Variants in PBX1 observed in about 807,000 individuals in gnomAD.
PBX1 encodes PBX homeobox 1.
Under a neutral mutation model 53.4 loss-of-function variants are expected in PBX1, and 6 were observed. The observed-to-expected ratio is 0.11, with a 90% CI of 0.06 to 0.22. The LOEUF (loss-of-function observed/expected upper bound fraction) is 0.22, where lower values mean the gene tolerates loss of function less well. Among genes scored for constraint, PBX1 ranks in the 10% least tolerant of loss-of-function variants. The probability of loss-of-function intolerance (pLI) is 1.00; values close to 1 mark genes in which losing one functional copy is unlikely to be tolerated. For synonymous variants in PBX1, 204 were observed against 212.3 expected (o/e 0.96, Z 0.34); for missense variants, 251 against 551.4 (o/e 0.46, Z 5.46).
chr1:164,867,143 G>T (rs1399591989), intron 2 of PBX1, among the ~76,000 whole-genome samples: 2 of 152,198 alleles, frequency 1.3e-5, no homozygotes, highest in African/African-American at 4.8e-5. Flanking sequence ...TCTTCGATCT[G>T]CTGCTTAGGA....
rs150240181 is a variant in PBX1, at chr1:164,655,262, C to T, written c.265+91951C>T. Among the ~76,000 whole-genome samples, 1,357 of 152,016 alleles carry T rather than the reference C, an allele frequency of 8.9e-3. 19 individuals carry two copies. Among genetic ancestry groups the T allele is most frequent in the African/African-American group, 0.032 (1,308 of 41,442 alleles). On this transcript the variant is annotated intron_variant, in intron 2 of 8. Coordinates refer to ENST00000420696, the MANE Select transcript of PBX1 (RefSeq NM_002585.4). ...CCAAGTAGCTGGGATTACAGGCATG[C>T]GCCACCACGCCTGTCTAATGTTGTA... is the stretch of plus-strand genomic sequence containing the variant.
intron 2 of PBX1, among the ~76,000 whole-genome samples, chr1:164,615,473 A>G (rs986106425): frequency 2.6e-5 from 4 of 151,934 alleles, no homozygotes; most frequent in African/African-American, 9.7e-5. Flanking sequence ...CTATTTGTTC[A>G]GGTGTAATAT....
chr1:164,881,947 G>A (rs1003476826), intron 2 of PBX1, among the ~76,000 whole-genome samples: 7 of 152,084 alleles, frequency 4.6e-5, no homozygotes, highest in East Asian at 1.9e-4. Flanking sequence ...GGTCCCACCC[G>A]CTATGCCCCT....
chr1:164,773,988 C>A (rs1043579216), intron 2 of PBX1, among the ~76,000 whole-genome samples: 1 of 152,098 alleles, frequency 6.6e-6, no homozygotes, highest in Admixed American at 6.5e-5. Context: ...ACTTTGAATT[C>A]TTTGATCTTT....
chr1:164,758,783 A>T (rs10918066), intron 2 of PBX1, among the ~76,000 whole-genome samples: 50,300 of 151,774 alleles, frequency 0.33, 8,685 homozygotes, highest in Non-Finnish European at 0.39. Flanking sequence ...TTTCCTCTCA[A>T]CTTAGTCAAT....
chr1:164,669,793 G>T (rs778720283), intron 2 of PBX1, among the ~76,000 whole-genome samples: 141 of 152,182 alleles, frequency 9.3e-4, no homozygotes, highest in Non-Finnish European at 1.8e-3. Flanking sequence ...GTTGGGCATT[G>T]TCACAGACCG....
chr1:164,865,594 T>C (rs1672198704), intron 2 of PBX1, among the ~76,000 whole-genome samples: 1 of 152,184 alleles, frequency 6.6e-6, no homozygotes. Flanking sequence ...GTGCTATTAT[T>C]ATATTCATTA....
intron 2 of PBX1, among the ~76,000 whole-genome samples, chr1:164,650,821 A>G (rs950150203): frequency 3.3e-5 from 5 of 151,998 alleles, no homozygotes; most frequent in African/African-American, 7.2e-5. Flanking sequence ...CCTCCAAGAA[A>G]AAAAAAAGCG....
intron 2 of PBX1, among the ~76,000 whole-genome samples, chr1:164,607,793 G>A (rs1027137980): frequency 6.6e-6 from 1 of 152,190 alleles, no homozygotes; most frequent in Non-Finnish European, 1.5e-5. Context: ...AGAGAGGCAA[G>A]AGAAAAATCT....
In PBX1 at chr1:164,590,562, T is replaced by C. The variant is rs1571285370; in HGVS notation, c.265+27251T>C. Reference sequence around the variant, plus strand: ...AACAGTGTGAAATCTTACTTGGCATTGTGACCAGGAGATCTATTGCCTTTT... The same window carrying C: ...AACAGTGTGAAATCTTACTTGGCATCGTGACCAGGAGATCTATTGCCTTTT... On this transcript the variant is annotated intron_variant, in intron 2 of 8. Transcript: ENST00000420696. The C allele has an allele frequency of 6.8e-6, 3 of 439,694 alleles. No homozygotes were observed. The East Asian group carries it at 2.1e-4, about 31-fold the overall frequency. 27.2% of individuals were successfully genotyped at this position (439,694 alleles called of 1,614,324 possible).
chr1:164,702,740 A>G (rs1024087669), intron 2 of PBX1, among the ~76,000 whole-genome samples: 1 of 152,132 alleles, frequency 6.6e-6, no homozygotes, highest in African/African-American at 2.4e-5. Context: ...TTCTTTGTCT[A>G]AAAGGGAAAT....
chr1:164,615,788 T>C (rs751518867), intron 2 of PBX1, among the ~76,000 whole-genome samples: 2 of 152,070 alleles, frequency 1.3e-5, no homozygotes, highest in African/African-American at 4.8e-5. Context: ...CAGTTACAAA[T>C]GAACTGTCAC....
chr1:164,748,863 A>T (rs1438729826), intron 2 of PBX1, among the ~76,000 whole-genome samples: 1 of 152,152 alleles, frequency 6.6e-6, no homozygotes, highest in Non-Finnish European at 1.5e-5. Context: ...GGGCAGGAGC[A>T]GTGGTGTGTG....
intron 2 of PBX1, among the ~76,000 whole-genome samples, chr1:164,616,155 A>G (rs1657263039): frequency 6.6e-6 from 1 of 152,040 alleles, no homozygotes; most frequent in African/African-American, 2.4e-5. Flanking sequence ...CTCCCTGTAA[A>G]CTTTCAAATG....
rs529304518 is a variant in PBX1 at position 164,711,513 on chromosome 1, T to C, written c.266-80981T>C. 4.6e-5 allele frequency among the ~76,000 whole-genome samples: 7 copies of C among 152,364 alleles called. No individual in the cohort carries two copies. In the South Asian group the frequency reaches 1.4e-3, roughly 32 times the overall value. ...CTCCTGACCTCGTGATCCACATGCC[T>C]TGGCCTCCCAAAGTGCTGGGATTAC... On this transcript the variant is annotated intron_variant, in intron 2 of 8. Transcript: ENST00000420696.
intron 2 of PBX1, among the ~76,000 whole-genome samples, chr1:164,660,579 A>G (rs897794830): frequency 3.3e-5 from 5 of 152,200 alleles, no homozygotes; most frequent in Non-Finnish European, 7.4e-5. Context: ...TTGTAGTAAC[A>G]TCAGCAGAGG....
chr1:164,849,213 A>G lies in PBX1; in HGVS notation c.*2537A>G. On this transcript the variant is annotated 3_prime_UTR_variant, in exon 9 of 9. Coordinates refer to ENST00000420696, the MANE Select transcript of PBX1 (RefSeq NM_002585.4). ...CCTGAATAATTGCCATGTTAAGTTA[A>G]TGCAAAAGATCAGAACAGGGCTACA... 6.9e-7 allele frequency: 1 copy of G among 1,453,144 alleles called. No individual in the cohort carries two copies. Among genetic ancestry groups the G allele is most frequent in the Non-Finnish European group, 9.1e-7 (1 of 1,101,038 alleles). The allele number at this position is 1,453,144 out of a possible 1,614,324, so 90.0% of individuals were successfully genotyped here. A position where few individuals can be genotyped will look rare whatever the true frequency, so the allele number is the denominator to read the frequency against.
chr1:164,628,378 G>A (rs1780340), intron 2 of PBX1, among the ~76,000 whole-genome samples: 149,139 of 152,270 alleles, frequency 0.98, 73,108 homozygotes, highest in Middle Eastern at 1. Context: ...CTCCGAGTCC[G>A]AACAGTCACC....
intron 2 of PBX1, among the ~76,000 whole-genome samples, chr1:164,705,255 T>G (rs1663363170): frequency 6.6e-6 from 1 of 152,222 alleles, no homozygotes; most frequent in African/African-American, 2.4e-5. Flanking sequence ...TGAGAACCAT[T>G]CATCTATACA....
Sources: allele counts gnomAD v4.1 joint callset (sites outside exome capture counted in the v4.1 genomes callset), GRCh38; gene constraint gnomAD v4.1.1; transcripts MANE v1.5; gene names NCBI Gene and HGNC (gene_info 2026-07-23, HGNC 2026-07-21).